The following PPM1H variants were observed in gnomAD, a reference collection of about 807,000 sequenced individuals.
PPM1H encodes the protein protein phosphatase, Mg2+/Mn2+ dependent 1H, also known as protein phosphatase 1H.
PPM1H carries 27 observed loss-of-function variants against 54.9 expected under a neutral mutation model. The ratio of observed to expected loss-of-function variants is 0.49; its 90% CI spans 0.36 to 0.68. The LOEUF is 0.68. Ranked by LOEUF, PPM1H falls within the 30% of genes least tolerant of loss-of-function variation. PPM1H has a pLI of 0.00. For synonymous variants in PPM1H, 305 were observed against 270.8 expected (o/e 1.13, Z -1.24); for missense variants, 596 against 667.8 (o/e 0.89, Z 1.19).
intron 1 of PPM1H, among the ~76,000 whole-genome samples, chr12:62,898,413 G>A (rs1871061469): frequency 6.6e-6 from 1 of 152,064 alleles, no homozygotes; most frequent in Admixed American, 6.5e-5. Context: ...GGGCGACAAA[G>A]GAAAAAACGC....
intron 3 of PPM1H, among the ~76,000 whole-genome samples, chr12:62,798,187 G>T (rs1348344072): frequency 6.6e-6 from 1 of 152,206 alleles, no homozygotes; most frequent in South Asian, 2.1e-4. Flanking sequence ...GAATTTGAAG[G>T]CTTCAGTATT....
intron 4 of PPM1H, among the ~76,000 whole-genome samples, chr12:62,745,180 G>C (rs1200998155): frequency 6.6e-6 from 1 of 151,954 alleles, no homozygotes; most frequent in Non-Finnish European, 1.5e-5. Context: ...GGGAGAGAAA[G>C]TTAATTTTTC....
intron 1 of PPM1H, among the ~76,000 whole-genome samples, chr12:62,842,415 A>T (rs994382998): frequency 3.0e-4 from 45 of 152,236 alleles, no homozygotes; most frequent in Non-Finnish European, 6.2e-4. Flanking sequence ...TGTGTAATTT[A>T]AAAACCCAAA....
intron 4 of PPM1H, chr12:62,755,162 T>C (rs1592581553): frequency 1.9e-6 from 1 of 533,116 alleles, no homozygotes; most frequent in South Asian, 1.8e-5. Context: ...AGCTCTCTGC[T>C]CCTCCCATTT....
At chr12:62,692,732 G>A (rs1348361959) in intron 7 of PPM1H, among the ~76,000 whole-genome samples, 1 of 152,172 alleles carries the variant, frequency 6.6e-6, no homozygotes, top group African/African-American at 2.4e-5. Flanking sequence ...GCCCTGACAC[G>A]ATTCTTAACC....
At chr12:62,705,300 C>A (rs1174105379) in intron 6 of PPM1H, among the ~76,000 whole-genome samples, 1 of 152,210 alleles carries the variant, frequency 6.6e-6, no homozygotes, top group African/African-American at 2.4e-5. Context: ...AGAACCTGCT[C>A]TAAGTAGCTT....
chr12:62,867,743 A>G (rs1869836309), intron 1 of PPM1H, among the ~76,000 whole-genome samples: 1 of 145,888 alleles, frequency 6.9e-6, no homozygotes, highest in Non-Finnish European at 1.5e-5. Context: ...ACACCTGGCT[A>G]TTTTTTTTTT....
At chr12:62,719,642 G>C (rs2076253351) in intron 6 of PPM1H, among the ~76,000 whole-genome samples, 1 of 152,158 alleles carries the variant, frequency 6.6e-6, no homozygotes, top group African/African-American at 2.4e-5. Context: ...ATTTCAATTT[G>C]AATGTGATAT....
rs140835675 is a variant in PPM1H at position 62,844,832 on chromosome 12, T to A, written c.246-12553A>T. Among the ~76,000 whole-genome samples the A allele has an allele frequency of 6.6e-6, 1 of 152,370 alleles. No homozygotes were observed. The highest frequency in any genetic ancestry group is 1.5e-5 in the Non-Finnish European group (1 of 68,040). On this transcript the variant is annotated intron_variant, in intron 1 of 9. Coordinates refer to ENST00000228705, the MANE Select transcript of PPM1H (RefSeq NM_020700.2). This position sits in a 1 kb window ranked among gnomAD's most constrained non-coding sequence, Gnocchi z 5.2. ...AATGACGGTGTTCTAAGCCTGCCTA[T>A]ATATTTCTTAAAGCTTACAATATTT...
chr12:62,868,214 T>C (rs1869852368), intron 1 of PPM1H, among the ~76,000 whole-genome samples: 1 of 152,218 alleles, frequency 6.6e-6, no homozygotes, highest in Non-Finnish European at 1.5e-5. Flanking sequence ...AAGCCAGGTG[T>C]ATGACACCAT....
chr12:62,695,625 T>C (rs963034930), intron 6 of PPM1H, among the ~76,000 whole-genome samples: 1 of 141,036 alleles, frequency 7.1e-6, no homozygotes, highest in Non-Finnish European at 1.5e-5. Flanking sequence ...CTGTGGTATA[T>C]GAGTTTGGGG....
chr12:62,734,626 G>A (rs896135181), intron 5 of PPM1H, among the ~76,000 whole-genome samples: 1 of 152,184 alleles, frequency 6.6e-6, no homozygotes, highest in African/African-American at 2.4e-5. Context: ...AACCTCCCAG[G>A]TCCATTCTTG....
At chr12:62,829,007 C>T (rs7968796) in intron 2 of PPM1H, among the ~76,000 whole-genome samples, 16,270 of 151,542 alleles carry the variant, frequency 0.11, 1,691 homozygotes, top group African/African-American at 0.27. Flanking sequence ...TTGGTAGGAA[C>T]GTAAAATGGA....
intron 4 of PPM1H, among the ~76,000 whole-genome samples, chr12:62,742,314 A>T (rs919439196): frequency 4.6e-5 from 7 of 152,346 alleles, no homozygotes; most frequent in Middle Eastern, 6.8e-3. Flanking sequence ...ATTAAAGATG[A>T]CAGCATGTTC....
intron 1 of PPM1H, among the ~76,000 whole-genome samples, chr12:62,848,747 C>T (rs1310877509): frequency 2.0e-5 from 3 of 152,018 alleles, no homozygotes; most frequent in Non-Finnish European, 4.4e-5. Flanking sequence ...GAGAATTGTA[C>T]GTGATATACC....
intron 4 of PPM1H, among the ~76,000 whole-genome samples, chr12:62,771,787 T>C (rs140908127): frequency 7.2e-5 from 11 of 152,350 alleles, no homozygotes; most frequent in Non-Finnish European, 1.0e-4. Flanking sequence ...GCATGAATTA[T>C]GTTTTACTTA....
At chr12:62,929,486 C>G (rs1343496130) in intron 1 of PPM1H, among the ~76,000 whole-genome samples, 1 of 152,182 alleles carries the variant, frequency 6.6e-6, no homozygotes, top group Non-Finnish European at 1.5e-5. Context: ...TTTTAGACAA[C>G]AATTCCAGTA....
intron 4 of PPM1H, among the ~76,000 whole-genome samples, chr12:62,746,729 G>A (rs2076414053): frequency 6.6e-6 from 1 of 152,156 alleles, no homozygotes; most frequent in Admixed American, 6.5e-5. Context: ...TGCAGAATAA[G>A]GAACTTTCCT....
intron 1 of PPM1H, among the ~76,000 whole-genome samples, chr12:62,897,408 C>T (rs910867257): frequency 7.2e-5 from 11 of 152,078 alleles, no homozygotes; most frequent in Non-Finnish European, 8.8e-5. Context: ...ATTTTATTTT[C>T]GTGGAAGAAT....
Sources: gnomAD v4.1 joint callset for allele counts (sites outside exome capture counted in the v4.1 genomes callset) on GRCh38, gnomAD v4.1.1 for gene constraint, Gnocchi (gnomAD v3.1) non-coding constraint, MANE v1.5 for transcripts, NCBI Gene and HGNC (gene_info 2026-07-23, HGNC 2026-07-21) for gene names.